Variants in LRRC4C observed in about 807,000 individuals in gnomAD.
LRRC4C encodes leucine rich repeat containing 4C.
LRRC4C carries 5 observed loss-of-function variants against 33.6 expected under a neutral mutation model. The ratio of observed to expected loss-of-function variants is 0.15; its 90% CI spans 0.08 to 0.31. The LOEUF (loss-of-function observed/expected upper bound fraction) is 0.31, where lower values mean the gene tolerates loss of function less well. Ranked by LOEUF, LRRC4C falls within the 10% of genes least tolerant of loss-of-function variation. The pLI, the probability that LRRC4C is intolerant of heterozygous loss-of-function variation, is 1.00. For synonymous variants in LRRC4C, 329 were observed against 302.0 expected (o/e 1.09, Z -0.93); for missense variants, 560 against 796.7 (o/e 0.70, Z 3.58).
intron 1 of LRRC4C, among the ~76,000 whole-genome samples, chr11:41,036,967 C>CA (rs1345870676): frequency 2.1e-4 from 32 of 152,112 alleles, no homozygotes; most frequent in Non-Finnish European, 2.9e-5. Flanking sequence ...TAAGATAGCT[C>CA]AAAGACAATG....
chr11:40,692,984 T>G (rs1945296235), intron 2 of LRRC4C, among the ~76,000 whole-genome samples: 1 of 152,092 alleles, frequency 6.6e-6, no homozygotes, highest in Non-Finnish European at 1.5e-5. Flanking sequence ...AATACAGAAC[T>G]ATGAGATTAA....
chr11:40,375,160 A>G (rs970599181), intron 3 of LRRC4C, among the ~76,000 whole-genome samples: 3 of 152,174 alleles, frequency 2.0e-5, no homozygotes, highest in Admixed American at 6.6e-5. Flanking sequence ...GTAGTCAGCC[A>G]CTGTAACACA....
chr11:41,424,269 T>C (rs1954965573), intron 1 of LRRC4C, among the ~76,000 whole-genome samples: 1 of 152,054 alleles, frequency 6.6e-6, no homozygotes, highest in African/African-American at 2.4e-5. Flanking sequence ...GGGAAAAGGA[T>C]AGACATAAAT....
chr11:40,750,638 A>G (rs1269743426), intron 2 of LRRC4C, among the ~76,000 whole-genome samples: 1 of 121,486 alleles, frequency 8.2e-6, no homozygotes, highest in African/African-American at 3.2e-5. Flanking sequence ...GGAACATCAC[A>G]CATCGGGACT....
At chr11:40,729,663 G>C (rs547460673) in intron 2 of LRRC4C, among the ~76,000 whole-genome samples, 10 of 152,218 alleles carry the variant, frequency 6.6e-5, no homozygotes, top group Admixed American at 4.6e-4. Flanking sequence ...CTCACACACT[G>C]AAAGTTCATT....
chr11:40,812,011 T>C (rs1039909524), intron 2 of LRRC4C, among the ~76,000 whole-genome samples: 2 of 152,208 alleles, frequency 1.3e-5, no homozygotes, highest in Non-Finnish European at 2.9e-5. Context: ...CCAACCTTCA[T>C]GCACCTTTTC....
At chr11:41,217,940 C>T (rs757433275) in intron 1 of LRRC4C, among the ~76,000 whole-genome samples, 3 of 152,136 alleles carry the variant, frequency 2.0e-5, no homozygotes, top group Non-Finnish European at 4.4e-5. Flanking sequence ...AATCCTAGCA[C>T]ACATAATCTT....
chr11:41,281,649 G>T (rs543998982), intron 1 of LRRC4C, among the ~76,000 whole-genome samples: 1 of 152,146 alleles, frequency 6.6e-6, no homozygotes, highest in African/African-American at 2.4e-5. Context: ...AATGCCTAAG[G>T]TTCATGCCCA....
At chr11:40,750,293 T>C (rs1948618477) in intron 2 of LRRC4C, among the ~76,000 whole-genome samples, 1 of 152,006 alleles carries the variant, frequency 6.6e-6, no homozygotes, top group Non-Finnish European at 1.5e-5. Context: ...GAAAAACTAA[T>C]AGCAATCCTA....
At chr11:41,102,862 G>C (rs1941275758) in intron 1 of LRRC4C, among the ~76,000 whole-genome samples, 1 of 151,962 alleles carries the variant, frequency 6.6e-6, no homozygotes, top group Non-Finnish European at 1.5e-5. Flanking sequence ...CTCTATGCTT[G>C]ATGTGTAAAG....
intron 2 of LRRC4C, among the ~76,000 whole-genome samples, chr11:40,700,126 T>C (rs1024587949): frequency 1.3e-5 from 2 of 152,142 alleles, no homozygotes. Flanking sequence ...ACGTCTTAGA[T>C]GACTGAAGAT....
intron 4 of LRRC4C, among the ~76,000 whole-genome samples, chr11:40,287,712 G>A (rs900292584): frequency 5.3e-5 from 8 of 152,136 alleles, no homozygotes; most frequent in Non-Finnish European, 8.8e-5. Context: ...TTTTATGCCT[G>A]TATTATAAAG....
chr11:41,402,816 A>C (rs1954076490), intron 1 of LRRC4C, among the ~76,000 whole-genome samples: 1 of 152,090 alleles, frequency 6.6e-6, no homozygotes, highest in Admixed American at 6.6e-5. Flanking sequence ...CTGATACTGA[A>C]CTATATACCT....
intron 5 of LRRC4C, among the ~76,000 whole-genome samples, chr11:40,225,443 T>A (rs1565156579): frequency 6.6e-6 from 1 of 152,190 alleles, no homozygotes; most frequent in Non-Finnish European, 1.5e-5. Flanking sequence ...GCCACTTATA[T>A]GTGAGGTAAG....
intron 3 of LRRC4C, among the ~76,000 whole-genome samples, chr11:40,476,763 A>C (rs2138356915): frequency 6.6e-6 from 1 of 152,274 alleles, no homozygotes; most frequent in African/African-American, 2.4e-5. Flanking sequence ...AGTTTTTTCT[A>C]TTTGGTATAT....
intron 1 of LRRC4C, among the ~76,000 whole-genome samples, chr11:40,942,396 T>TTTAGAAAGTGCTGCAGTTATCAA (rs1644366882): frequency 6.6e-6 from 1 of 152,162 alleles, no homozygotes; most frequent in African/African-American, 2.4e-5. Flanking sequence ...GGACCAGAAC[T>TTTAGAAAGTGCTGCAGTTATCAA]TTAGAAAGTG....
intron 2 of LRRC4C, among the ~76,000 whole-genome samples, chr11:40,859,727 G>A (rs1243997743): frequency 6.6e-6 from 1 of 152,144 alleles, no homozygotes; most frequent in African/African-American, 2.4e-5. Flanking sequence ...TGTGATATGT[G>A]TATACAGTGC....
At chr11:40,318,114 C>T (rs191423999) in intron 4 of LRRC4C, among the ~76,000 whole-genome samples, 5 of 152,052 alleles carry the variant, frequency 3.3e-5, no homozygotes, top group Admixed American at 1.3e-4. Context: ...TCACTATACT[C>T]GTCTATGCCA....
At chr11:40,357,875 G>T (rs1250979181) in intron 3 of LRRC4C, among the ~76,000 whole-genome samples, 4 of 152,100 alleles carry the variant, frequency 2.6e-5, no homozygotes, top group African/African-American at 9.7e-5. Flanking sequence ...ATTAAGTCCA[G>T]TCTTCCTATT....
Sources: gnomAD v4.1 joint callset for allele counts (sites outside exome capture counted in the v4.1 genomes callset) on GRCh38, gnomAD v4.1.1 for gene constraint, MANE v1.5 for transcripts, NCBI Gene and HGNC (gene_info 2026-07-23, HGNC 2026-07-21) for gene names.